Variants in LRRC4C observed in about 807,000 individuals in gnomAD.
The protein encoded by LRRC4C is leucine rich repeat containing 4C.
In LRRC4C, 5 loss-of-function variants were observed where a neutral mutation model predicts 33.6. That is an observed-to-expected ratio of 0.15 (90% CI 0.08 to 0.31). The LOEUF is 0.31. LRRC4C is among the 10% of genes least tolerant of loss of function. The pLI, the probability that LRRC4C is intolerant of heterozygous loss-of-function variation, is 1.00. For missense variants in LRRC4C, 560 were observed against 796.7 expected (o/e 0.70, Z 3.58); for synonymous variants, 329 against 302.0 (o/e 1.09, Z -0.93).
intron 2 of LRRC4C, among the ~76,000 whole-genome samples, chr11:40,674,555 A>AT (rs1266566229): frequency 2.0e-5 from 3 of 152,208 alleles, no homozygotes; most frequent in Non-Finnish European, 4.4e-5. Flanking sequence ...TTTGTATCAG[A>AT]TGAGACAGTG....
In LRRC4C at chr11:41,277,449, A is replaced by G. The variant is rs556673012; in HGVS notation, c.-496+181982T>C. 1.6e-3 allele frequency among the ~76,000 whole-genome samples: 245 copies of G among 152,334 alleles called. 1 individual carries two copies. The highest frequency in any genetic ancestry group is 5.6e-3 in the African/African-American group (234 of 41,584). On this transcript the variant is annotated intron_variant, in intron 1 of 6. Coordinates refer to ENST00000528697, the MANE Select transcript of LRRC4C (RefSeq NM_001258419.2). The stretch of plus-strand genomic sequence containing the variant: ...CTAGAACTTCTAGAAATAATGAACT[A>G]TTGGAAAATGTATTTCCATACTGAT...
chr11:40,791,581 G>A (rs117339178), intron 2 of LRRC4C, among the ~76,000 whole-genome samples: 1,819 of 152,306 alleles, frequency 0.012, 16 homozygotes, highest in Non-Finnish European at 0.019. Context: ...AAAGAGAGGG[G>A]TTAGGTTCTG....
chr11:40,749,396 G>A (rs1191710251), intron 2 of LRRC4C, among the ~76,000 whole-genome samples: 9 of 136,072 alleles, frequency 6.6e-5, no homozygotes, highest in African/African-American at 2.5e-4. Context: ...GGTTAAGATG[G>A]AAATAAAAAA....
At chr11:40,706,831 C>T (rs1399814238) in intron 2 of LRRC4C, among the ~76,000 whole-genome samples, 3 of 152,164 alleles carry the variant, frequency 2.0e-5, no homozygotes, top group African/African-American at 4.8e-5. Flanking sequence ...TTGATTCTTC[C>T]TATCCACGAG....
chr11:41,248,581 T>C (rs1419697574), intron 1 of LRRC4C, among the ~76,000 whole-genome samples: 1 of 152,178 alleles, frequency 6.6e-6, no homozygotes, highest in African/African-American at 2.4e-5. Flanking sequence ...CCATTGTCCC[T>C]ACCTGTATGA....
intron 3 of LRRC4C, among the ~76,000 whole-genome samples, chr11:40,607,737 T>C (rs1327509177): frequency 6.6e-6 from 1 of 152,106 alleles, no homozygotes; most frequent in Non-Finnish European, 1.5e-5. Context: ...CAGAAAGCCC[T>C]CTCTCCTTGT....
chr11:40,789,019 G>GTATTCTCACT (rs1950526081), intron 2 of LRRC4C, among the ~76,000 whole-genome samples: 1 of 150,770 alleles, frequency 6.6e-6, no homozygotes, highest in African/African-American at 2.5e-5. Flanking sequence ...CGTGAACCCG[G>GTATTCTCACT]GAGGCAGAGC....
At chr11:40,901,040 T>C (rs1177857088) in intron 2 of LRRC4C, among the ~76,000 whole-genome samples, 3 of 152,118 alleles carry the variant, frequency 2.0e-5, no homozygotes, top group Non-Finnish European at 4.4e-5. Flanking sequence ...TATGAGGACG[T>C]TCTTTGAACA....
At chr11:40,216,993 A>G (rs1864025366) in intron 5 of LRRC4C, among the ~76,000 whole-genome samples, 1 of 152,208 alleles carries the variant, frequency 6.6e-6, no homozygotes, top group Non-Finnish European at 1.5e-5. Context: ...CTTTAAGCTC[A>G]TTAATAATGG....
chr11:41,063,427 C>T (rs1438392571), intron 1 of LRRC4C, among the ~76,000 whole-genome samples: 1 of 151,986 alleles, frequency 6.6e-6, no homozygotes, highest in African/African-American at 2.4e-5. Context: ...TTACTAAGGG[C>T]TAAGAGGCAA....
intron 1 of LRRC4C, among the ~76,000 whole-genome samples, chr11:41,441,976 A>C (rs868861690): frequency 1.3e-5 from 2 of 152,204 alleles, no homozygotes; most frequent in South Asian, 2.1e-4. Flanking sequence ...TTAGTATTTC[A>C]GTATATTACT....
intron 1 of LRRC4C, among the ~76,000 whole-genome samples, chr11:41,310,451 A>G (rs2137174771): frequency 6.6e-6 from 1 of 152,270 alleles, no homozygotes; most frequent in East Asian, 1.9e-4. Context: ...TCCACCATTT[A>G]TTTTTTATAA....
chr11:40,115,629 C>G lies in LRRC4C; in HGVS notation c.664G>C (p.Asp222His). 4 of 1,614,186 alleles carry G rather than the reference C, an allele frequency of 2.5e-6. No individual in the cohort carries two copies. Among genetic ancestry groups the G allele is most frequent in the Non-Finnish European group, 3.4e-6 (4 of 1,180,034 alleles). The change falls in exon 7 of 7, where the codon GAT becomes CAT. Residue 222 changes from aspartate (D) to histidine (H), a missense_variant. Asp to His is a moderately conservative substitution (Grantham distance 81). Transcript: ENST00000528697. The surrounding 1 kb of genome is among the most constrained non-coding windows in gnomAD (Gnocchi z 6.7). The part of the protein sequence containing the change: ...IPNLTPLIKL[D>H]ELDLSGNHLS... ...TGATTCCCAGAAAGATCCAGCTCAT[C>G]TAGTTTTATGAGCGGTGTGAGGTTA...
chr11:40,999,883 A>G (rs1401910110), intron 1 of LRRC4C, among the ~76,000 whole-genome samples: 1 of 152,128 alleles, frequency 6.6e-6, no homozygotes, highest in Non-Finnish European at 1.5e-5. Flanking sequence ...TGAAAGATGA[A>G]TAAGAGTTTC....
intron 2 of LRRC4C, among the ~76,000 whole-genome samples, chr11:40,668,193 T>C (rs748214986): frequency 2.0e-5 from 3 of 152,238 alleles, no homozygotes; most frequent in Admixed American, 1.3e-4. Context: ...TGTTTATAAA[T>C]GACATTGGCA....
At chr11:41,355,932 A>G (rs555798002) in intron 1 of LRRC4C, among the ~76,000 whole-genome samples, 2 of 152,234 alleles carry the variant, frequency 1.3e-5, no homozygotes, top group Non-Finnish European at 2.9e-5. Flanking sequence ...ACATTCAAGT[A>G]TTTACATAGC....
intron 2 of LRRC4C, among the ~76,000 whole-genome samples, chr11:40,892,020 A>G (rs921601848): frequency 6.6e-6 from 1 of 151,710 alleles, no homozygotes; most frequent in African/African-American, 2.4e-5. Context: ...CTGTAGTCCC[A>G]GCTACTCGGG....
At chr11:40,467,234 C>A (rs529236001) in intron 3 of LRRC4C, among the ~76,000 whole-genome samples, 1 of 152,046 alleles carries the variant, frequency 6.6e-6, no homozygotes, top group Non-Finnish European at 1.5e-5. Flanking sequence ...AGTTGAAAAT[C>A]CCACTTCTTT....
intron 1 of LRRC4C, among the ~76,000 whole-genome samples, chr11:40,972,040 T>C (rs1174032467): frequency 4.6e-5 from 7 of 152,290 alleles, no homozygotes; most frequent in Middle Eastern, 3.4e-3. Flanking sequence ...CATAGGTGAA[T>C]GGGACTAGCC....
Sources: gnomAD v4.1 joint callset for allele counts (sites outside exome capture counted in the v4.1 genomes callset) on GRCh38, gnomAD v4.1.1 for gene constraint, Gnocchi (gnomAD v3.1) non-coding constraint, MANE v1.5 for transcripts, NCBI Gene and HGNC (gene_info 2026-07-23, HGNC 2026-07-21) for gene names.